The following MTMR8 variants were observed in gnomAD, a reference collection of about 807,000 sequenced individuals.
The protein encoded by MTMR8 is myotubularin related protein 8.
Under a neutral mutation model 39.3 loss-of-function variants are expected in MTMR8, and 65 were observed. The observed-to-expected ratio is 1.65, with a 90% confidence interval of 1.35 to 2.03. The LOEUF is 2.03. Among genes scored for constraint, MTMR8 ranks in the 30% most tolerant of loss-of-function variants. The probability of loss-of-function intolerance (pLI) is 0.00; values close to 1 mark genes in which losing one functional copy is unlikely to be tolerated. For missense variants in MTMR8, 777 were observed against 538.9 expected (o/e 1.44, Z -4.37); for synonymous variants, 245 against 185.2 (o/e 1.32, Z -2.62).
chrX:64,289,366 C>T (rs1921317771), intron 12 of MTMR8, among the ~76,000 whole-genome samples: 1 of 110,874 alleles, frequency 9.0e-6, no homozygotes, highest in African/African-American at 3.3e-5. Context: ...CACTATGGTG[C>T]TTCCTCAACA....
intron 1 of MTMR8, among the ~76,000 whole-genome samples, chrX:64,362,423 GA>G (rs1204749480): frequency 3.5e-4 from 16 of 45,561 alleles, no homozygotes; most frequent in African/African-American, 6.9e-4. Flanking sequence ...AGCTGTGGGG[GA>G]AAAAAATCAA....
chrX:64,324,555 T>C (rs777942736), intron 12 of MTMR8, among the ~76,000 whole-genome samples: 53 of 109,782 alleles, frequency 4.8e-4, no homozygotes, highest in Non-Finnish European at 3.4e-4. Context: ...TGTGGTGGCA[T>C]GCACCTGTAG....
intron 12 of MTMR8, among the ~76,000 whole-genome samples, chrX:64,317,774 T>C (rs1456793504): frequency 1.8e-5 from 2 of 112,250 alleles, no homozygotes; most frequent in African/African-American, 3.2e-5. Flanking sequence ...AGGCTTACTA[T>C]AAAACTGTTT....
intron 12 of MTMR8, among the ~76,000 whole-genome samples, chrX:64,283,038 C>A (rs928898991): frequency 8.9e-6 from 1 of 112,154 alleles, no homozygotes; most frequent in Non-Finnish European, 1.9e-5. Flanking sequence ...TCGCCTCACC[C>A]AGGAAGCGCA....
rs774173176 is a variant in MTMR8 at position 64,302,108 on chromosome X, C to A, written c.1481+26664G>T. 2.8e-3 allele frequency among the ~76,000 whole-genome samples: 319 copies of A among 113,055 alleles called. 1 individual carries two copies. Among genetic ancestry groups the A allele is most frequent in the African/African-American group, 9.9e-3 (310 of 31,197 alleles). ...GTTGGCTCCACCCAGTTCGAGCTTT[C>A]TGGCTGCTTTGTTTACCTGAGCAAG... On this transcript the variant is annotated intron_variant, in intron 12 of 13. Transcript: ENST00000374852.
intron 1 of MTMR8, among the ~76,000 whole-genome samples, chrX:64,366,880 G>C (rs1406406788): frequency 1.8e-5 from 2 of 111,610 alleles, no homozygotes; most frequent in East Asian, 5.6e-4. Flanking sequence ...AAGAAGAAGA[G>C]AGAAGAATCA....
At chrX:64,343,193 T>G (rs1602139438) in intron 8 of MTMR8, among the ~76,000 whole-genome samples, 1 of 111,889 alleles carries the variant, frequency 8.9e-6, no homozygotes, top group Non-Finnish European at 1.9e-5. Flanking sequence ...CAAAAATATA[T>G]CACAGAATAA....
At chrX:64,309,436 GTATAT>G (rs1432397352) in intron 12 of MTMR8, among the ~76,000 whole-genome samples, 1 of 108,845 alleles carries the variant, frequency 9.2e-6, no homozygotes, top group Admixed American at 9.7e-5. Context: ...ATTGATTTGT[GTATAT>G]TATATTAAAC....
chrX:64,374,506 A>G lies in MTMR8; in HGVS notation c.25-14979T>C, dbSNP rs755367578. ...GATGTCTAAGCACGCTCTTTATCCT[A>G]AAGGACTAACAGAGTTAGTGCTCAC... On this transcript the variant is annotated intron_variant, in intron 1 of 13. Transcript: ENST00000374852. 5.8e-4 allele frequency among the ~76,000 whole-genome samples: 65 copies of G among 111,984 alleles called. 1 individual carries two copies. The highest frequency in any genetic ancestry group is 9.6e-4 in the Non-Finnish European group (51 of 53,193).
chrX:64,304,996 G>A (rs1033969056), intron 12 of MTMR8: 8 of 105,361 alleles, frequency 7.6e-5, no homozygotes, highest in African/African-American at 2.1e-4. Flanking sequence ...ACATATATAC[G>A]TATGTATGTA....
chrX:64,296,356 G>C (rs981324308), intron 12 of MTMR8, among the ~76,000 whole-genome samples: 2 of 111,270 alleles, frequency 1.8e-5, no homozygotes, highest in East Asian at 2.8e-4. Context: ...TGGAGTTTCT[G>C]TTTGGGATGA....
intron 1 of MTMR8, among the ~76,000 whole-genome samples, chrX:64,381,541 C>T (rs1239908966): frequency 9.2e-6 from 1 of 108,263 alleles, no homozygotes; most frequent in Non-Finnish European, 1.9e-5. Context: ...AAATTTTCTC[C>T]CATTCTGTAG....
At chrX:64,299,323 G>A (rs1368100827) in intron 12 of MTMR8, among the ~76,000 whole-genome samples, 3 of 85,008 alleles carry the variant, frequency 3.5e-5, no homozygotes, top group African/African-American at 9.0e-5. Flanking sequence ...TGTATGTGTC[G>A]AGGAATGTAT....
intron 12 of MTMR8, among the ~76,000 whole-genome samples, chrX:64,279,848 A>T (rs1931964548): frequency 8.9e-6 from 1 of 112,065 alleles, no homozygotes; most frequent in Non-Finnish European, 1.9e-5. Flanking sequence ...CAATGAAGTG[A>T]TTTTTGATAA....
chrX:64,325,026 C>T (rs893618179), intron 12 of MTMR8, among the ~76,000 whole-genome samples: 1 of 111,034 alleles, frequency 9.0e-6, no homozygotes, highest in African/African-American at 3.3e-5. Context: ...GTATCAGGAA[C>T]AATTCTATGC....
At chrX:64,379,334 G>C (rs763706985) in intron 1 of MTMR8, among the ~76,000 whole-genome samples, 1 of 111,921 alleles carries the variant, frequency 8.9e-6, no homozygotes, top group Admixed American at 9.5e-5. Flanking sequence ...GAAAGGAAAA[G>C]TACAGACTAA....
At position 64,376,541 on chromosome X, in the gene MTMR8, G is replaced by A. The variant is rs139758259; in HGVS notation, c.25-17014C>T. On this transcript the variant is annotated intron_variant, in intron 1 of 13. Transcript: ENST00000374852. ...AGAGTGATGATTGAGGGTATGTGGC[G>A]GAATAAATTTCTAAGCAGCAAAGTG... Among the ~76,000 whole-genome samples the A allele has an allele frequency of 3.9e-3, 441 of 111,892 alleles. 4 individuals carry two copies. Among genetic ancestry groups the A allele is most frequent in the African/African-American group, 0.014 (420 of 30,749 alleles).
intron 12 of MTMR8, among the ~76,000 whole-genome samples, chrX:64,315,353 C>T (rs1266433258): frequency 9.0e-6 from 1 of 111,698 alleles, no homozygotes; most frequent in Non-Finnish European, 1.9e-5. Flanking sequence ...CCAACTTCAG[C>T]CCAGCTTCTG....
At chrX:64,277,709 T>A (rs1032483668) in intron 12 of MTMR8, among the ~76,000 whole-genome samples, 3 of 111,489 alleles carry the variant, frequency 2.7e-5, no homozygotes, top group Admixed American at 9.6e-5. Context: ...TGATTATGTG[T>A]CTTGGTGTTG....
Sources: gnomAD v4.1 joint callset for allele counts (sites outside exome capture counted in the v4.1 genomes callset) on GRCh38, gnomAD v4.1.1 for gene constraint, MANE v1.5 for transcripts, NCBI Gene and HGNC (gene_info 2026-07-23, HGNC 2026-07-21) for gene names.